The following HEATR3 variants were observed in gnomAD, a reference collection of about 807,000 sequenced individuals.
HEATR3 encodes the protein HEAT repeat-containing protein 3.
Under a neutral mutation model 72.8 loss-of-function variants are expected in HEATR3, and 56 were observed. That is an observed-to-expected ratio of 0.77 (90% CI 0.62 to 0.96). HEATR3 has a LOEUF of 0.96. Among genes scored for constraint, HEATR3 ranks in the 40% least tolerant of loss-of-function variants. The pLI, the probability that HEATR3 is intolerant of heterozygous loss-of-function variation, is 0.00. For missense variants in HEATR3, 747 were observed against 831.4 expected (o/e 0.90, Z 1.25); for synonymous variants, 331 against 318.1 (o/e 1.04, Z -0.43).
In HEATR3 at chr16:50,102,395, T is replaced by C; in HGVS notation, c.1880T>C (p.Leu627Ser). The C allele has an allele frequency of 6.2e-7, 1 of 1,614,114 alleles. No individual in the cohort carries two copies. Among genetic ancestry groups the C allele is most frequent in the Non-Finnish European group, 8.5e-7 (1 of 1,180,026 alleles). Residue 627 changes from leucine to serine, a missense_variant, in exon 14 of 15, where the codon TTA becomes TCA. By Grantham distance (145) the Leu-to-Ser change is moderately radical (BLOSUM62 -2). Coordinates refer to ENST00000299192, the MANE Select transcript of HEATR3 (RefSeq NM_182922.4). Reference protein sequence around the residue: ...AERASIQIKLLSALKEFQPVF... With the variant: ...AERASIQIKLSSALKEFQPVF... ...AGAGCCTCGATTCAAATTAAATTATTATCTGCTCTGAAAGAATTCCAGCCG... is the reference window on the plus strand; with the variant it reads ...AGAGCCTCGATTCAAATTAAATTATCATCTGCTCTGAAAGAATTCCAGCCG...
At chr16:50,082,244 G>A (rs532297845) in intron 7 of HEATR3, among the ~76,000 whole-genome samples, 8 of 152,258 alleles carry the variant, frequency 5.3e-5, no homozygotes, top group Non-Finnish European at 1.2e-4. Flanking sequence ...TCGGGAGGCT[G>A]AGACATGAGA....
chr16:50,089,297 T>C (rs1182833416), intron 11 of HEATR3, among the ~76,000 whole-genome samples: 9 of 152,142 alleles, frequency 5.9e-5, no homozygotes, highest in Admixed American at 5.9e-4. Flanking sequence ...CTTGATGATA[T>C]TTATGTAGAA....
chr16:50,080,593 C>T (rs947274959), intron 7 of HEATR3, among the ~76,000 whole-genome samples: 4 of 152,114 alleles, frequency 2.6e-5, no homozygotes, highest in Admixed American at 2.0e-4. Flanking sequence ...CCCGCCTTGG[C>T]CTCCCAAAGT....
chr16:50,066,269 G>C lies in HEATR3; in HGVS notation c.138G>C (p.Lys46Asn), dbSNP rs1238533624. 12 of 1,572,764 alleles carry C rather than the reference G, an allele frequency of 7.6e-6. No individual in the cohort carries two copies. Among genetic ancestry groups the C allele is most frequent in the Non-Finnish European group, 1.0e-5 (12 of 1,163,238 alleles). ...DDGPAAELLE[K>N]LQHPSAEVRE... ...GGCCGGCGGCGGAGCTGCTGGAAAA[G>C]GTGAGGCGAGGGCTCCGTCGGGCCG... The change falls in exon 1 of 15, where the codon AAG (lysine) becomes AAC (asparagine). Residue 46 changes from lysine to asparagine, a missense_variant and splice_region_variant. Physicochemically the swap from Lys to Asn is moderately conservative, Grantham distance 94 (BLOSUM62 0). Around this residue, in one of 2 missense-constraint regions of HEATR3, gnomAD observed 161 missense variants for 122.6 expected, o/e 1.31. Coordinates refer to ENST00000299192, the MANE Select transcript of HEATR3 (RefSeq NM_182922.4).
rs1175599634 is a variant in HEATR3 at position 50,079,031 on chromosome 16, G to A, written c.1041+13G>A. The A allele has an allele frequency of 6.2e-7, 1 of 1,603,184 alleles. No individual in the cohort carries two copies. Among genetic ancestry groups the A allele is most frequent in the Admixed American group, 1.7e-5 (1 of 58,470 alleles). On this transcript the variant is annotated intron_variant, in intron 7 of 14. Coordinates refer to ENST00000299192, the MANE Select transcript of HEATR3 (RefSeq NM_182922.4). ...AGATTTACTTCCGGTAAGTCAGGTT[G>A]CTGTTCTCAAATATGGATTAATACA...
intron 2 of HEATR3, among the ~76,000 whole-genome samples, chr16:50,067,254 C>T (rs1339033360): frequency 6.6e-6 from 1 of 151,760 alleles, no homozygotes; most frequent in East Asian, 1.9e-4. Context: ...ACTCAGGAGG[C>T]TGAGGTAGGA....
intron 4 of HEATR3, among the ~76,000 whole-genome samples, chr16:50,071,859 A>G (rs74021011): frequency 2.6e-3 from 402 of 152,346 alleles, no homozygotes; most frequent in Middle Eastern, 0.01. Context: ...AATTATTACA[A>G]TTAGCCTTGT....
intron 11 of HEATR3, among the ~76,000 whole-genome samples, chr16:50,093,574 G>A (rs888805844): frequency 2.0e-5 from 3 of 152,136 alleles, no homozygotes; most frequent in East Asian, 1.9e-4. Context: ...AGACCCCTGC[G>A]CACACATAAA....
intron 13 of HEATR3, among the ~76,000 whole-genome samples, chr16:50,101,630 C>T (rs1477128): frequency 0.88 from 133,527 of 152,240 alleles, 58,596 homozygotes; most frequent in South Asian, 0.94. Context: ...ATATAGTGTC[C>T]AAAACCTTCT....
intron 5 of HEATR3, chr16:50,074,274 C>T (rs566623664): frequency 6.6e-6 from 1 of 152,080 alleles, no homozygotes; most frequent in Admixed American, 6.5e-5. Flanking sequence ...TTAAAGGAAG[C>T]CAGACGTCCC....
At chr16:50,099,294 A>G (rs930429231) in intron 12 of HEATR3, among the ~76,000 whole-genome samples, 11 of 152,146 alleles carry the variant, frequency 7.2e-5, no homozygotes, top group Non-Finnish European at 1.6e-4. Flanking sequence ...TGTGATGGTT[A>G]AGGAAAATTA....
chr16:50,092,148 A>G (rs2037127184), intron 11 of HEATR3, among the ~76,000 whole-genome samples: 1 of 151,880 alleles, frequency 6.6e-6, no homozygotes, highest in Non-Finnish European at 1.5e-5. Context: ...ACCAGCCTGT[A>G]CATATGATGA....
chr16:50,096,257 G>C (rs1167835571), intron 12 of HEATR3, among the ~76,000 whole-genome samples: 1 of 143,714 alleles, frequency 7.0e-6, no homozygotes, highest in African/African-American at 2.6e-5. Flanking sequence ...CCTGGGAGGC[G>C]GAAGTTGCAG....
chr16:50,068,737 CAT>C (rs749818907), intron 2 of HEATR3, 41 bp from the exon 3 acceptor site: 16 of 1,405,264 alleles, frequency 1.1e-5, no homozygotes, highest in Middle Eastern at 1.8e-4. Context: ...TGTTCTGTGA[CAT>C]GTGATGTGAA....
At chr16:50,104,167 T>C (rs536947589) in intron 14 of HEATR3, among the ~76,000 whole-genome samples, 1 of 151,492 alleles carries the variant, frequency 6.6e-6, no homozygotes, top group Non-Finnish European at 1.5e-5. Context: ...CTGGGCAACA[T>C]AGTGAGACCC....
chr16:50,074,262 ATTTAAAGGAAGCCAGACG>A (rs1225530459), intron 5 of HEATR3: 9 of 152,312 alleles, frequency 5.9e-5, no homozygotes, highest in African/African-American at 1.9e-4. Flanking sequence ...GTCATGATAA[ATTTAAAGGAAGCCAGACG>A]TCCCAAAACC....
rs767490721 is a variant in HEATR3, at chr16:50,084,002, T to A, written c.1107T>A (p.Ile369=). The part of the protein sequence containing the change: ...LLTAQQTALE[I]IVNMCCNEDP... ...CAGCCCAACAGACTGCTCTGGAAAT[T>A]ATTGTCAACATGTGCTGCAATGAAG... Residue 369 remains isoleucine (I), a synonymous_variant, in exon 8 of 15, where the codon ATT becomes ATA. Coordinates refer to ENST00000299192, the MANE Select transcript of HEATR3 (RefSeq NM_182922.4). 6 of 1,613,790 alleles carry A rather than the reference T, an allele frequency of 3.7e-6. No individual in the cohort carries two copies. The highest frequency in any genetic ancestry group is 4.2e-6 in the Non-Finnish European group (5 of 1,180,004).
Position 50,100,498 on chromosome 16 carries a change from G to A in HEATR3, c.1743+125G>A, listed in dbSNP as rs1567448672. The A allele has an allele frequency of 3.6e-5, 32 of 880,624 alleles. No individual in the cohort carries two copies. The East Asian group carries it at 8.1e-4, about 22-fold the overall frequency. 54.6% of individuals were successfully genotyped at this position (880,624 alleles called of 1,614,324 possible). A position where few individuals can be genotyped will look rare whatever the true frequency, so the allele number is the denominator to read the frequency against. The stretch of plus-strand genomic sequence containing the variant: ...AGAAGTCATATCAAGTTGCTTTATT[G>A]AGTCATATTATTAGAATATACCCTT... On this transcript the variant is annotated intron_variant, in intron 13 of 14. Transcript: ENST00000299192.
At position 50,084,182 on chromosome 16, in the gene HEATR3, A is replaced by T; in HGVS notation, c.1181A>T (p.Asp394Val). Residue 394 changes from aspartate to valine, a missense_variant, in exon 9 of 15, where the codon GAC becomes GTC. This residue lies in a region of HEATR3 where 586 missense variants were observed against 708.8 expected (regional missense o/e 0.83). Coordinates refer to ENST00000299192, the MANE Select transcript of HEATR3 (RefSeq NM_182922.4). ...GAGCTTTCTAGCAGTGATGAAAGTG[A>T]CGCATTTATGGAGAATTCCTTCAGT... Reference protein sequence around the residue: ...WEELSSSDESDAFMENSFSEC... With the variant: ...WEELSSSDESVAFMENSFSEC... The T allele has an allele frequency of 6.2e-7, 1 of 1,614,156 alleles. No homozygotes were observed.
Sources: gnomAD v4.1 joint callset for allele counts (sites outside exome capture counted in the v4.1 genomes callset) on GRCh38, gnomAD v4.1.1 for gene constraint, gnomAD v4.1.1 regional missense constraint, MANE v1.5 for transcripts, NCBI Gene and HGNC (gene_info 2026-07-23, HGNC 2026-07-21) for gene names.